Variants in COMMD1 observed in about 807,000 individuals in gnomAD.
The protein encoded by COMMD1 is copper metabolism domain containing 1.
A neutral mutation model predicts 17.2 loss-of-function variants in COMMD1; 10 were observed. That is an observed-to-expected ratio of 0.58 (90% CI 0.36 to 0.99). The LOEUF (loss-of-function observed/expected upper bound fraction) is 0.99. COMMD1 is among the 50% of genes least tolerant of loss of function. The pLI is 0.01. For synonymous variants in COMMD1, 97 were observed against 91.6 expected (o/e 1.06, Z -0.34); for missense variants, 270 against 231.8 (o/e 1.17, Z -1.07).
intron 2 of COMMD1, among the ~76,000 whole-genome samples, chr2:62,057,262 A>C (rs1297236137): frequency 7.9e-5 from 12 of 152,238 alleles, no homozygotes; most frequent in Admixed American, 6.5e-4. Flanking sequence ...GGTGCCAAAA[A>C]GGTTGGGGAC....
intron 1 of COMMD1, among the ~76,000 whole-genome samples, chr2:61,996,177 A>G (rs556678756): frequency 6.6e-6 from 1 of 152,284 alleles, no homozygotes; most frequent in South Asian, 2.1e-4. Flanking sequence ...CAGCCTGAGT[A>G]ACAGAGACCC....
intron 1 of COMMD1, among the ~76,000 whole-genome samples, chr2:61,893,354 A>C (rs1454327780): frequency 1.3e-5 from 2 of 152,004 alleles, no homozygotes; most frequent in Non-Finnish European, 2.9e-5. Flanking sequence ...CAATAGTAAA[A>C]AATAAAAATT....
At chr2:61,888,527 G>A, upstream of COMMD1, 1 of 1,606,656 alleles carries the variant, frequency 6.2e-7, no homozygotes, top group Non-Finnish European at 8.5e-7. Context: ...CGCTGTGTCT[G>A]GGTTGGCTCG....
intron 1 of COMMD1, among the ~76,000 whole-genome samples, chr2:61,965,309 A>T (rs1671477766): frequency 6.6e-6 from 1 of 152,182 alleles, no homozygotes; most frequent in Non-Finnish European, 1.5e-5. Context: ...ATATTTTTTA[A>T]TTTTGTAATT....
chr2:61,985,566 G>A (rs1672085509), intron 1 of COMMD1, among the ~76,000 whole-genome samples: 1 of 151,782 alleles, frequency 6.6e-6, no homozygotes, highest in South Asian at 2.1e-4. Flanking sequence ...CTTCCTCCTT[G>A]TCTTCTTTTT....
chr2:61,935,148 A>G (rs1572978021), intron 1 of COMMD1, among the ~76,000 whole-genome samples: 3 of 152,354 alleles, frequency 2.0e-5, no homozygotes, highest in East Asian at 3.9e-4. Context: ...AGATCCAGGC[A>G]GTCAGATTTT....
At chr2:62,113,840 T>C (rs1672520352) in intron 2 of COMMD1, among the ~76,000 whole-genome samples, 1 of 152,260 alleles carries the variant, frequency 6.6e-6, no homozygotes, top group African/African-American at 2.4e-5. Flanking sequence ...GGCAGAATTA[T>C]TGGAAGTTTC....
At chr2:61,984,019 G>A (rs1383055673) in intron 1 of COMMD1, among the ~76,000 whole-genome samples, 1 of 152,028 alleles carries the variant, frequency 6.6e-6, no homozygotes, top group Non-Finnish European at 1.5e-5. Context: ...GTAGGTTTTG[G>A]TTTGTTGTTG....
At chr2:61,920,412 C>CT (rs889470083) in intron 1 of COMMD1, among the ~76,000 whole-genome samples, 158 of 143,982 alleles carry the variant, frequency 1.1e-3, no homozygotes, top group East Asian at 3.6e-3. Context: ...AAAGAACATA[C>CT]TTTTTTTTTT....
chr2:62,013,409 A>G (rs1669343295), intron 2 of COMMD1, among the ~76,000 whole-genome samples: 1 of 152,230 alleles, frequency 6.6e-6, no homozygotes, highest in Non-Finnish European at 1.5e-5. Context: ...CACAATCTCC[A>G]TTCCACATTT....
chr2:61,981,261 T>C (rs1671945976), intron 1 of COMMD1, among the ~76,000 whole-genome samples: 1 of 152,228 alleles, frequency 6.6e-6, no homozygotes, highest in Non-Finnish European at 1.5e-5. Context: ...CCCAATGTTT[T>C]CTTGTAGTTT....
chr2:62,032,258 A>G (rs1392707851), intron 2 of COMMD1, among the ~76,000 whole-genome samples: 2 of 152,188 alleles, frequency 1.3e-5, no homozygotes, highest in African/African-American at 4.8e-5. Context: ...ACTCATGACC[A>G]GGTGTGGTGG....
chr2:62,045,428 C>T (rs1411956501), intron 2 of COMMD1, among the ~76,000 whole-genome samples: 1 of 152,180 alleles, frequency 6.6e-6, no homozygotes, highest in Non-Finnish European at 1.5e-5. Flanking sequence ...TATATCTTAG[C>T]AGAGTTCAGG....
intron 2 of COMMD1, among the ~76,000 whole-genome samples, chr2:62,002,024 G>A (rs1304994972): frequency 6.6e-6 from 1 of 151,976 alleles, no homozygotes; most frequent in African/African-American, 2.4e-5. Flanking sequence ...TACAAAATTA[G>A]CTGGGCATGG....
intron 1 of COMMD1, among the ~76,000 whole-genome samples, chr2:61,952,810 A>G (rs888697488): frequency 2.4e-4 from 37 of 152,282 alleles, no homozygotes; most frequent in South Asian, 4.1e-4. Context: ...TTATGTTTCT[A>G]TGGATGTATG....
chr2:62,044,005 G>T (rs113687994), intron 2 of COMMD1, among the ~76,000 whole-genome samples: 1 of 152,062 alleles, frequency 6.6e-6, no homozygotes, highest in Non-Finnish European at 1.5e-5. Flanking sequence ...GGGAGAGGGG[G>T]AATCCAAACA....
At chr2:61,890,419 A>G (rs1447829622) in intron 1 of COMMD1, among the ~76,000 whole-genome samples, 4 of 152,056 alleles carry the variant, frequency 2.6e-5, no homozygotes, top group Non-Finnish European at 4.4e-5. Flanking sequence ...GGGTTTCTCC[A>G]TGTTGGACAG....
At chr2:62,088,731 A>C (rs779091659) in intron 2 of COMMD1, among the ~76,000 whole-genome samples, 3 of 152,264 alleles carry the variant, frequency 2.0e-5, no homozygotes, top group Non-Finnish European at 4.4e-5. Flanking sequence ...AAAAGAGCCA[A>C]ACTCTGTAAA....
rs141361040 is a variant in COMMD1 at position 61,924,308 on chromosome 2, G to A, written c.180+18450G>A. On this transcript the variant is annotated intron_variant, in intron 1 of 2. Transcript: ENST00000311832. ...AGGAGAAAAATAGGAGGAAGCAAGG[G>A]AGTGGGCTGCTGGGCGTGTTGGGCT... Among the ~76,000 whole-genome samples the A allele has an allele frequency of 6.3e-4, 96 of 152,066 alleles. No individual in the cohort carries two copies. The East Asian group carries it at 0.014, about 22-fold the overall frequency.
Sources: allele counts gnomAD v4.1 joint callset (sites outside exome capture counted in the v4.1 genomes callset), GRCh38; gene constraint gnomAD v4.1.1; transcripts MANE v1.5; gene names NCBI Gene and HGNC (gene_info 2026-07-23, HGNC 2026-07-21).